Variants in MAGI3 observed in about 807,000 individuals in gnomAD.
MAGI3 encodes the protein membrane-associated guanylate kinase, WW and PDZ domain-containing protein 3.
Under a neutral mutation model 121.8 loss-of-function variants are expected in MAGI3, and 43 were observed. The ratio of observed to expected loss-of-function variants is 0.35; its 90% CI spans 0.28 to 0.46. The LOEUF (loss-of-function observed/expected upper bound fraction) is 0.46, where lower values mean the gene tolerates loss of function less well. Ranked by LOEUF, MAGI3 falls within the 20% of genes least tolerant of loss-of-function variation. The pLI is 1.00. For synonymous variants in MAGI3, 553 were observed against 639.3 expected (o/e 0.86, Z 2.04); for missense variants, 1,547 against 1,797.3 (o/e 0.86, Z 2.52).
chr1:113,408,953 A>T (rs947501935), intron 1 of MAGI3, among the ~76,000 whole-genome samples: 1 of 152,040 alleles, frequency 6.6e-6, no homozygotes, highest in Non-Finnish European at 1.5e-5. Context: ...TATTAATTTT[A>T]TAGCTATTTA....
chr1:113,674,488 A>C (rs577090775), intron 19 of MAGI3, among the ~76,000 whole-genome samples: 6 of 151,636 alleles, frequency 4.0e-5, no homozygotes, highest in Non-Finnish European at 8.8e-5. Context: ...AAAAACTTTT[A>C]ATTTCTAGAC....
At chr1:113,641,015 GATATATAATATATATGATATATATAAT>G (rs1557868787) in intron 9 of MAGI3, among the ~76,000 whole-genome samples, 1 of 100,376 alleles carries the variant, frequency 1.0e-5, no homozygotes, top group African/African-American at 4.5e-5. Context: ...TAATATATAT[GATATATAATATATATGATATATATAAT>G]ATATATGATA....
chr1:113,554,513 G>A (rs1383535013), intron 2 of MAGI3, among the ~76,000 whole-genome samples: 10 of 151,630 alleles, frequency 6.6e-5, no homozygotes, highest in Non-Finnish European at 2.9e-5. Context: ...CTGCAATGAA[G>A]TACCAGTACC....
At chr1:113,503,911 A>G (rs1002311305) in intron 1 of MAGI3, among the ~76,000 whole-genome samples, 1 of 152,046 alleles carries the variant, frequency 6.6e-6, no homozygotes, top group Non-Finnish European at 1.5e-5. Context: ...ATTCTTTGAC[A>G]TTGATATTGA....
At chr1:113,640,492 A>G (rs977477615) in intron 9 of MAGI3, among the ~76,000 whole-genome samples, 4 of 152,230 alleles carry the variant, frequency 2.6e-5, no homozygotes, top group Non-Finnish European at 5.9e-5. Context: ...ATGCCCATCA[A>G]TGATAGATTG....
At chr1:113,607,153 A>G (rs979548513) in intron 6 of MAGI3, among the ~76,000 whole-genome samples, 3 of 152,128 alleles carry the variant, frequency 2.0e-5, no homozygotes, top group African/African-American at 7.2e-5. Context: ...CAAACTATCT[A>G]CTGGTACCCA....
intron 6 of MAGI3, among the ~76,000 whole-genome samples, chr1:113,597,809 T>A (rs1649113973): frequency 6.6e-6 from 1 of 152,180 alleles, no homozygotes; most frequent in Non-Finnish European, 1.5e-5. Context: ...CAAGTAAATG[T>A]TGAAGGAATT....
chr1:113,623,962 G>T (rs1219548221), intron 9 of MAGI3, among the ~76,000 whole-genome samples: 3 of 152,104 alleles, frequency 2.0e-5, no homozygotes, highest in African/African-American at 7.2e-5. Context: ...TTCAAAGTTT[G>T]TGTTTCTTTG....
chr1:113,608,030 C>A (rs959636165), intron 6 of MAGI3, among the ~76,000 whole-genome samples: 1 of 152,108 alleles, frequency 6.6e-6, no homozygotes, highest in Non-Finnish European at 1.5e-5. Context: ...TTCTTTGTAG[C>A]CCCTTCTGTC....
intron 1 of MAGI3, among the ~76,000 whole-genome samples, chr1:113,460,741 G>A (rs557310138): frequency 7.2e-4 from 109 of 152,064 alleles, no homozygotes; most frequent in African/African-American, 2.3e-3. Flanking sequence ...TCCAGGAGGC[G>A]GAGCTTGCAG....
chr1:113,394,790 A>G (rs1298757036), intron 1 of MAGI3, among the ~76,000 whole-genome samples: 4 of 152,118 alleles, frequency 2.6e-5, no homozygotes, highest in Non-Finnish European at 5.9e-5. Flanking sequence ...ACATTCAACT[A>G]CCCTAAGCAA....
chr1:113,617,612 A>G (rs1329224560), intron 7 of MAGI3, among the ~76,000 whole-genome samples: 1 of 152,212 alleles, frequency 6.6e-6, no homozygotes, highest in East Asian at 1.9e-4. Flanking sequence ...TACAAAGGGT[A>G]TAAATACAAA....
intron 1 of MAGI3, among the ~76,000 whole-genome samples, chr1:113,486,994 A>G (rs752384217): frequency 6.6e-6 from 1 of 152,218 alleles, no homozygotes; most frequent in African/African-American, 2.4e-5. Flanking sequence ...TACAGGCATC[A>G]GCCACTGCCC....
At position 113,653,914 on chromosome 1, in the gene MAGI3, C is replaced by G; in HGVS notation, c.2525C>G (p.Ala842Gly). The G allele has an allele frequency of 1.2e-6, 2 of 1,614,064 alleles. No individual in the cohort carries two copies. Among genetic ancestry groups the G allele is most frequent in the Non-Finnish European group, 1.7e-6 (2 of 1,179,966 alleles). Reference sequence around the variant, plus strand: ...CGCCTGAACCGGGCAGAGGTCCCAGCCAGGCCTGCACCCCAGGAGCCCTAT... The same window carrying G: ...CGCCTGAACCGGGCAGAGGTCCCAGGCAGGCCTGCACCCCAGGAGCCCTAT... Reference protein sequence around the residue: ...SPRLNRAEVPARPAPQEPYDV... With the variant: ...SPRLNRAEVPGRPAPQEPYDV... The change falls in exon 15 of 21, where the codon GCC becomes GGC. Residue 842 changes from alanine (A) to glycine (G), a missense_variant. Coordinates refer to ENST00000307546, the MANE Select transcript of MAGI3 (RefSeq NM_001142782.2).
intron 1 of MAGI3, among the ~76,000 whole-genome samples, chr1:113,470,045 C>T (rs1655469378): frequency 6.6e-6 from 1 of 152,130 alleles, no homozygotes; most frequent in African/African-American, 2.4e-5. Context: ...CTAATTCACA[C>T]ACATTTGTAA....
At chr1:113,429,242 A>G (rs984516598) in intron 1 of MAGI3, among the ~76,000 whole-genome samples, 1 of 152,238 alleles carries the variant, frequency 6.6e-6, no homozygotes, top group Non-Finnish European at 1.5e-5. Context: ...TGTTAGCTGC[A>G]TACGTGACAA....
chr1:113,584,966 CCTTTTTT>C (rs1348560217), intron 3 of MAGI3, among the ~76,000 whole-genome samples: 1 of 110,730 alleles, frequency 9.0e-6, no homozygotes, highest in Non-Finnish European at 1.8e-5. Context: ...GTAGATATTT[CCTTTTTT>C]TTTTTTTTTT....
intron 16 of MAGI3, among the ~76,000 whole-genome samples, chr1:113,662,797 G>T (rs1178635098): frequency 6.6e-6 from 1 of 152,118 alleles, no homozygotes. Context: ...TCAGAACCAT[G>T]TTGTTGTTGT....
In MAGI3 at chr1:113,561,963, A is replaced by G. The variant is rs146516349; in HGVS notation, c.433+12332A>G. ...GCAAAAATTGCTAGCATTCCTATAT[A>G]TCAACAACAGGCAAGCTGAGAGCCA... On this transcript the variant is annotated intron_variant, in intron 2 of 20. Transcript: ENST00000307546. Among the ~76,000 whole-genome samples the G allele has an allele frequency of 2.8e-3, 434 of 152,330 alleles. 13 individuals carry two copies. In the South Asian group the frequency reaches 0.058, roughly 20 times the overall value.
Sources: allele counts gnomAD v4.1 joint callset (sites outside exome capture counted in the v4.1 genomes callset), GRCh38; gene constraint gnomAD v4.1.1; transcripts MANE v1.5; gene names NCBI Gene and HGNC (gene_info 2026-07-23, HGNC 2026-07-21).